LATS1: variants seen among roughly 807,000 people sequenced by gnomAD.
LATS1 encodes the protein serine/threonine-protein kinase LATS1.
LATS1 carries 25 observed loss-of-function variants against 106.6 expected under a neutral mutation model. The observed-to-expected ratio is 0.23, with a 90% CI of 0.17 to 0.33. The LOEUF is 0.33. Ranked by LOEUF, LATS1 falls within the 10% of genes least tolerant of loss-of-function variation. LATS1 has a pLI of 1.00. For missense variants in LATS1, 1,040 were observed against 1,382.6 expected, an observed-to-expected ratio of 0.75 and a Z score of 3.93; for synonymous variants, 465 against 455.6, an observed-to-expected ratio of 1.02 and a Z score of -0.26.
chr6:149,662,315 G>C, intron 7 of LATS1, 77 bp from the exon 8 acceptor site: 1 of 1,170,906 alleles, frequency 8.5e-7, no homozygotes, highest in Non-Finnish European at 1.2e-6. Flanking sequence ...TATACCAAAA[G>C]TCTCACTGGG....
At chr6:149,691,465 A>G (rs1436082228) in intron 3 of LATS1, among the ~76,000 whole-genome samples, 1 of 152,206 alleles carries the variant, frequency 6.6e-6, no homozygotes, top group Non-Finnish European at 1.5e-5. Flanking sequence ...CCATGTCACT[A>G]AAGTCAACAA....
chr6:149,668,775 T>C (rs547407399), intron 7 of LATS1, among the ~76,000 whole-genome samples: 2 of 151,862 alleles, frequency 1.3e-5, no homozygotes, highest in Non-Finnish European at 2.9e-5. Flanking sequence ...AAGAACTTGA[T>C]GGTTGAAAGC....
intron 7 of LATS1, among the ~76,000 whole-genome samples, chr6:149,663,096 G>A (rs543237449): frequency 4.5e-4 from 69 of 152,236 alleles, no homozygotes; most frequent in African/African-American, 1.7e-3. Context: ...TGGAGGCAGG[G>A]GAATTGGTAT....
chr6:149,706,464 T>A (rs972016149), intron 1 of LATS1, among the ~76,000 whole-genome samples: 2 of 151,458 alleles, frequency 1.3e-5, no homozygotes, highest in African/African-American at 4.9e-5. Flanking sequence ...GAGCCATGAC[T>A]GTACCACTGC....
Position 149,661,799 on chromosome 6 carries a change from T to C in LATS1, c.3323A>G (p.Glu1108Gly), listed in dbSNP as rs963774833. The change falls in exon 8 of 8, where the codon GAG (glutamate) becomes GGG (glycine). Residue 1108 changes from glutamate to glycine, a missense_variant. By Grantham distance (98) the Glu-to-Gly change is moderately conservative. Coordinates refer to ENST00000543571, the MANE Select transcript of LATS1 (RefSeq NM_004690.4). ...EYEYINSQGS[E>G]QQSDEDDQNT... ...TTGATCATCTTCATCCGACTGCTGC[T>C]CTGAGCCTTGTGAATTAATGTATTC... is the stretch of plus-strand genomic sequence containing the variant. 2 of 1,611,296 alleles carry C rather than the reference T, an allele frequency of 1.2e-6. No homozygotes were observed. Among genetic ancestry groups the C allele is most frequent in the African/African-American group, 1.3e-5 (1 of 74,938 alleles).
chr6:149,681,475 A>G (rs1018425911), intron 4 of LATS1, among the ~76,000 whole-genome samples: 1 of 152,214 alleles, frequency 6.6e-6, no homozygotes, highest in Non-Finnish European at 1.5e-5. Context: ...ACAGTAATGG[A>G]GACTACAGAA....
At chr6:149,706,664 C>G (rs1012781238) in intron 1 of LATS1, among the ~76,000 whole-genome samples, 1 of 152,070 alleles carries the variant, frequency 6.6e-6, no homozygotes, top group Non-Finnish European at 1.5e-5. Context: ...TTACAAGTGT[C>G]CTTTTGAGAG....
intron 7 of LATS1, among the ~76,000 whole-genome samples, chr6:149,662,966 CAAAAAAAA>C (rs61479102): frequency 2.1e-5 from 2 of 96,256 alleles, no homozygotes; most frequent in Admixed American, 2.0e-4. Flanking sequence ...ACACTGTCTC[CAAAAAAAA>C]AAAAAAAAAA....
rs1780835572 is a variant in LATS1, at chr6:149,660,183, C to T, written c.*1546G>A. 3 of 232,388 alleles carry T rather than the reference C, an allele frequency of 1.3e-5. No individual in the cohort carries two copies. Among genetic ancestry groups the T allele is most frequent in the East Asian group, 6.1e-5 (1 of 16,480 alleles). 14.4% of individuals were successfully genotyped at this position (232,388 alleles called of 1,614,324 possible). ...GTGGTTTTTTTTTCTAGGAAGAGTCCACAGCTTCCTTCAGATTCTCAAAAG... is the reference window on the plus strand; with the variant it reads ...GTGGTTTTTTTTTCTAGGAAGAGTCTACAGCTTCCTTCAGATTCTCAAAAG... On this transcript the variant is annotated 3_prime_UTR_variant, in exon 8 of 8. Transcript: ENST00000543571.
At chr6:149,712,639 C>T (rs531754343) in intron 1 of LATS1, among the ~76,000 whole-genome samples, 62 of 152,306 alleles carry the variant, frequency 4.1e-4, no homozygotes, top group Middle Eastern at 3.4e-3. Flanking sequence ...GTGTGAGCCA[C>T]CATGCCCGGC....
chr6:149,664,245 A>G (rs1392857737), intron 7 of LATS1, among the ~76,000 whole-genome samples: 1 of 152,144 alleles, frequency 6.6e-6, no homozygotes, highest in East Asian at 1.9e-4. Flanking sequence ...GCACAGAGAG[A>G]AAACATGTAG....
intron 2 of LATS1, chr6:149,697,307 C>T: frequency 2.1e-6 from 1 of 468,436 alleles, no homozygotes; most frequent in Non-Finnish European, 3.8e-6. Context: ...TTGTTGGAAG[C>T]AGCAAGGGTT....
intron 3 of LATS1, among the ~76,000 whole-genome samples, chr6:149,694,847 G>T (rs1048998982): frequency 2.0e-5 from 3 of 152,182 alleles, no homozygotes; most frequent in African/African-American, 7.2e-5. Context: ...CAATCAAATA[G>T]ATCTCAATCT....
chr6:149,699,379 C>T (rs959846230), intron 2 of LATS1, among the ~76,000 whole-genome samples: 2 of 152,022 alleles, frequency 1.3e-5, no homozygotes, highest in Admixed American at 6.6e-5. Flanking sequence ...TCTGCCTGGC[C>T]GCTGTGCAAT....
In LATS1 at chr6:149,676,697, T is replaced by C; in HGVS notation, c.2634A>G (p.Glu878=). 1.2e-6 allele frequency: 2 copies of C among 1,614,030 alleles called. No individual in the cohort carries two copies. Among genetic ancestry groups the C allele is most frequent in the Non-Finnish European group, 1.7e-6 (2 of 1,179,944 alleles). ...ATCGACAGCTTGAGGGATCCCCCCA[T>C]TCATTACTGAAATCCATGCTATCTT... ...PRQDSMDFSN[E]WGDPSSCRCG... is the part of the protein sequence containing the mutation. The change falls in exon 6 of 8, where the codon GAA becomes GAG. Residue 878 remains glutamate (E), a synonymous_variant. Coordinates refer to ENST00000543571, the MANE Select transcript of LATS1 (RefSeq NM_004690.4).
At chr6:149,698,016 C>T (rs1287443605) in intron 2 of LATS1, among the ~76,000 whole-genome samples, 2 of 152,178 alleles carry the variant, frequency 1.3e-5, no homozygotes, top group African/African-American at 2.4e-5. Context: ...CTGGCATTAC[C>T]GGTGTGAGCC....
rs1270973758 is a variant in LATS1, at chr6:149,661,325, T to C, written c.*404A>G. ...AGAGCTCTGTAAAATAGGGGGTATGTTTCATATTTGGTTAAAGCAAGATAA... is the reference window on the plus strand; with the variant it reads ...AGAGCTCTGTAAAATAGGGGGTATGCTTCATATTTGGTTAAAGCAAGATAA... On this transcript the variant is annotated 3_prime_UTR_variant, in exon 8 of 8. Transcript: ENST00000543571. 8.5e-6 allele frequency: 2 copies of C among 234,814 alleles called. No individual in the cohort carries two copies. Among genetic ancestry groups the C allele is most frequent in the African/African-American group, 4.4e-5 (2 of 45,370 alleles). The allele number at this position is 234,814 out of a possible 1,614,324, so 14.5% of individuals were successfully genotyped here.
intron 1 of LATS1, among the ~76,000 whole-genome samples, chr6:149,711,546 A>T (rs1784096927): frequency 6.6e-6 from 1 of 152,204 alleles, no homozygotes; most frequent in South Asian, 2.1e-4. Flanking sequence ...TCCATCTCAA[A>T]AAACAAAATG....
intron 3 of LATS1, among the ~76,000 whole-genome samples, chr6:149,688,156 T>C (rs771181054): frequency 6.6e-5 from 10 of 152,162 alleles, no homozygotes; most frequent in Non-Finnish European, 1.3e-4. Context: ...ATTCCAGGCA[T>C]GAGCCACCTT....
Sources: gnomAD v4.1 joint callset for allele counts (sites outside exome capture counted in the v4.1 genomes callset) on GRCh38, gnomAD v4.1.1 for gene constraint, MANE v1.5 for transcripts, NCBI Gene and HGNC (gene_info 2026-07-23, HGNC 2026-07-21) for gene names.